The following ECE1 variants were observed in gnomAD, a reference collection of about 807,000 sequenced individuals.
ECE1 encodes endothelin converting enzyme 1, also known as endothelin-converting enzyme 1.
ECE1 carries 35 observed loss-of-function variants against 98.6 expected under a neutral mutation model. The observed-to-expected ratio is 0.35, with a 90% CI of 0.27 to 0.47. The LOEUF (loss-of-function observed/expected upper bound fraction) is 0.47, where lower values mean the gene tolerates loss of function less well. Ranked by LOEUF, ECE1 falls within the 20% of genes least tolerant of loss-of-function variation. The pLI, the probability that ECE1 is intolerant of heterozygous loss-of-function variation, is 1.00. For synonymous variants in ECE1, 394 were observed against 407.1 expected (o/e 0.97, Z 0.39); for missense variants, 814 against 1,025.3 (o/e 0.79, Z 2.81).
rs374192436 is a variant in ECE1 at position 21,319,945 on chromosome 1, CT to C, written c.3+25430del. On this transcript the variant is annotated intron_variant, in intron 1 of 18. Transcript: ENST00000415912. This position sits in a 1 kb window ranked among gnomAD's most constrained non-coding sequence, Gnocchi z 4.4. ...TTTACACTCGGCAGCAGCGTCCCAT[CT>C]TTTGACTTCCCTGGGCCACAATGTA... Among the ~76,000 whole-genome samples the C allele has an allele frequency of 6.6e-6, 1 of 152,212 alleles. No individual in the cohort carries two copies.
chr1:21,310,895 T>G (rs1638710058), intron 1 of ECE1, among the ~76,000 whole-genome samples: 1 of 152,178 alleles, frequency 6.6e-6, no homozygotes, highest in Non-Finnish European at 1.5e-5. Context: ...AACCCTACCC[T>G]GCAGCCTCCT....
intron 3 of ECE1, among the ~76,000 whole-genome samples, chr1:21,278,394 C>A (rs1466448510): frequency 6.6e-6 from 1 of 152,216 alleles, no homozygotes; most frequent in Non-Finnish European, 1.5e-5. Flanking sequence ...CAAAGTGGGA[C>A]AAAGGCACCG....
rs1189773507 is a variant in ECE1 at position 21,279,677 on chromosome 1, CATCCAGTG to C, written c.139-353_139-346del. On this transcript the variant is annotated intron_variant, in intron 2 of 18. Coordinates refer to ENST00000374893, the MANE Select transcript of ECE1 (RefSeq NM_001397.3). The stretch of plus-strand genomic sequence containing the variant: ...AGAACAGGATGTTTGGACTTGCAGG[CATCCAGTG>C]AGTACCCAGCTGGGCTCTCTGCAGA... 3.6e-6 allele frequency: 5 copies of C among 1,401,694 alleles called. No individual in the cohort carries two copies. The African/African-American group carries it at 5.8e-5, about 16-fold the overall frequency. The allele number at this position is 1,401,694 out of a possible 1,614,324, so 86.8% of individuals were successfully genotyped here.
At chr1:21,256,500 G>A (rs2098220110) in intron 7 of ECE1, among the ~76,000 whole-genome samples, 1 of 151,958 alleles carries the variant, frequency 6.6e-6, no homozygotes, top group South Asian at 2.1e-4. Context: ...AGGTTGCAGT[G>A]AGCCCAGATT....
chr1:21,314,285 G>A (rs1459475560), intron 1 of ECE1, among the ~76,000 whole-genome samples: 1 of 152,162 alleles, frequency 6.6e-6, no homozygotes, highest in Non-Finnish European at 1.5e-5. Context: ...GGGGGCGCTG[G>A]CTAGGCCCTT....
rs368422604 is a variant in ECE1, at chr1:21,230,441, G to C, written c.1671-2400C>G. 3.5e-4 allele frequency among the ~76,000 whole-genome samples: 54 copies of C among 152,268 alleles called. 1 individual carries two copies. The South Asian group carries it at 0.011, about 32-fold the overall frequency. On this transcript the variant is annotated intron_variant, in intron 14 of 18. Transcript: ENST00000374893. ...ACCCAGGCTGGAGGGCAATTGGGGT[G>C]CAGTGGCGTGATCTTGGCTCACTGC...
chr1:21,233,733 G>A lies in ECE1; in HGVS notation c.1567-72C>T. Reference sequence around the variant, plus strand: ...TGCATCTTCCAAGACAGGAAGCCAAGGGCTGTCATGGTTAAGAGATTAATC... The same window carrying A: ...TGCATCTTCCAAGACAGGAAGCCAAAGGCTGTCATGGTTAAGAGATTAATC... On this transcript the variant is annotated intron_variant, in intron 13 of 18. Coordinates refer to ENST00000374893, the MANE Select transcript of ECE1 (RefSeq NM_001397.3). The surrounding 1 kb of genome is among the most constrained non-coding windows in gnomAD (Gnocchi z 4.0). The A allele has an allele frequency of 2.1e-6, 3 of 1,402,414 alleles. No homozygotes were observed. The highest frequency in any genetic ancestry group is 3.0e-6 in the Non-Finnish European group (3 of 995,802). The allele number at this position is 1,402,414 out of a possible 1,614,324, so 86.9% of individuals were successfully genotyped here. A position where few individuals can be genotyped will look rare whatever the true frequency, so the allele number is the denominator to read the frequency against.
intron 1 of ECE1, among the ~76,000 whole-genome samples, chr1:21,338,124 C>T (rs1351057785): frequency 3.9e-5 from 6 of 152,308 alleles, no homozygotes; most frequent in Non-Finnish European, 5.9e-5. Context: ...CCTGGACCTC[C>T]GCCCAATAAG....
intron 1 of ECE1, among the ~76,000 whole-genome samples, chr1:21,308,638 C>G (rs749509127): frequency 6.6e-6 from 1 of 152,054 alleles, no homozygotes; most frequent in East Asian, 1.9e-4. Context: ...AGTTACTTGC[C>G]CTTGCTGAGC....
At chr1:21,239,975 A>T (rs1226018639) in intron 10 of ECE1, among the ~76,000 whole-genome samples, 1 of 152,044 alleles carries the variant, frequency 6.6e-6, no homozygotes, top group Non-Finnish European at 1.5e-5. Context: ...GTTCAAGACC[A>T]GCCTGGCCAA....
In ECE1 at chr1:21,217,548, C is replaced by T. The variant is rs1046692042; in HGVS notation, c.*2407G>A. The T allele has an allele frequency of 2.6e-5, 4 of 152,438 alleles. No homozygotes were observed. The highest frequency in any genetic ancestry group is 1.3e-4 in the Admixed American group (2 of 15,310). The allele number at this position is 152,438 out of a possible 1,614,324, so 9.4% of individuals were successfully genotyped here. ...GCCATGAGTGTGGTCTCCATTCCCT[C>T]GGGCTGCACCCCCAGCCCTAGGACA... On this transcript the variant is annotated 3_prime_UTR_variant, in exon 19 of 19. Coordinates refer to ENST00000374893, the MANE Select transcript of ECE1 (RefSeq NM_001397.3).
In ECE1 at chr1:21,279,507, C is replaced by A. The variant is rs1434138990; in HGVS notation, c.139-175G>T. 6 of 1,480,814 alleles carry A rather than the reference C, an allele frequency of 4.1e-6. No individual in the cohort carries two copies. The South Asian group carries it at 5.4e-5, about 13-fold the overall frequency. 91.7% of individuals were successfully genotyped at this position (1,480,814 alleles called of 1,614,324 possible). On this transcript the variant is annotated intron_variant, in intron 2 of 18. Transcript: ENST00000374893. ...CCCTAATCCAGGAAAGGAACAGCCA[C>A]CCTGCTCAGCTGCTCGGATCTGCTC...
chr1:21,221,829 C>G lies in ECE1; in HGVS notation c.2054G>C (p.Trp685Ser). 1 of 1,614,182 alleles carries G rather than the reference C, an allele frequency of 6.2e-7. No homozygotes were observed. The highest frequency in any genetic ancestry group is 8.5e-7 in the Non-Finnish European group (1 of 1,180,024). The change falls in exon 18 of 19, where the codon TGG becomes TCG. Residue 685 changes from tryptophan to serine, a missense_variant. By Grantham distance (177) the Trp-to-Ser change is radical. Transcript: ENST00000374893. Reference protein sequence around the residue: ...LKAAYRAYQNWVKKNGAEHSL... With the variant: ...LKAAYRAYQNSVKKNGAEHSL... ...GTGCTCAGCCCCGTTCTTCTTCACC[C>G]AGTTCTGGTAAGCCTGGGAGGAGAG... is the stretch of plus-strand genomic sequence containing the variant.
intron 8 of ECE1, among the ~76,000 whole-genome samples, chr1:21,249,578 A>T (rs1057176038): frequency 6.6e-6 from 1 of 152,100 alleles, no homozygotes; most frequent in Non-Finnish European, 1.5e-5. Flanking sequence ...CTGAGCCTGT[A>T]GTCCCAGGTG....
At chr1:21,316,672 G>A (rs140276797) in intron 1 of ECE1, among the ~76,000 whole-genome samples, 1 of 152,256 alleles carries the variant, frequency 6.6e-6, no homozygotes, top group African/African-American at 2.4e-5. Context: ...AGCATGTGCT[G>A]TGGTTGTGAA....
intron 16 of ECE1, among the ~76,000 whole-genome samples, 165 bp downstream of exon 16, chr1:21,226,994 G>T (rs544490903): frequency 6.6e-6 from 1 of 152,064 alleles, no homozygotes; most frequent in East Asian, 1.9e-4. Context: ...ACAGCGCTGG[G>T]ATTACAGGCA....
chr1:21,233,760 G>C lies in ECE1; in HGVS notation c.1567-99C>G, dbSNP rs28368029. 0.28 allele frequency: 313,384 copies of C among 1,130,188 alleles called. 46,175 individuals are homozygous for C. Among genetic ancestry groups the C allele is most frequent in the Non-Finnish European group, 0.31 (236,591 of 764,146 alleles). The allele number at this position is 1,130,188 out of a possible 1,614,324, so 70.0% of individuals were successfully genotyped here. On this transcript the variant is annotated intron_variant, in intron 13 of 18. Coordinates refer to ENST00000374893, the MANE Select transcript of ECE1 (RefSeq NM_001397.3). The surrounding 1 kb of genome is among the most constrained non-coding windows in gnomAD (Gnocchi z 4.0). Reference sequence around the variant, plus strand: ...GCTGTCATGGTTAAGAGATTAATCTGCAGGCTGGAGACCGGAATGCAGGGC... The same window carrying C: ...GCTGTCATGGTTAAGAGATTAATCTCCAGGCTGGAGACCGGAATGCAGGGC...
rs1209353038 is a variant in ECE1, at chr1:21,345,234, G to A, written c.3+142C>T. On this transcript the variant is annotated intron_variant, in intron 1 of 18. Coordinates refer to the ECE1 transcript ENST00000415912. This position sits in a 1 kb window ranked among gnomAD's most constrained non-coding sequence, Gnocchi z 5.1. The stretch of plus-strand genomic sequence containing the variant: ...GGCGCTCCCCGACTCCACGCCTTCC[G>A]AGAGCCGGGCGGGGGCTGCTGCTGC... 10 of 1,118,948 alleles carry A rather than the reference G, an allele frequency of 8.9e-6. No homozygotes were observed. Among genetic ancestry groups the A allele is most frequent in the Middle Eastern group, 3.6e-4 (1 of 2,754 alleles). The allele number at this position is 1,118,948 out of a possible 1,614,324, so 69.3% of individuals were successfully genotyped here.
intron 7 of ECE1, 32 bp from the exon 8 acceptor site, chr1:21,256,170 C>A: frequency 6.3e-7 from 1 of 1,579,712 alleles, no homozygotes; most frequent in Non-Finnish European, 8.6e-7. Context: ...CTGTCAGTGG[C>A]TGCCCCCCCA....
Sources: allele counts gnomAD v4.1 joint callset (sites outside exome capture counted in the v4.1 genomes callset), GRCh38; gene constraint gnomAD v4.1.1; non-coding constraint Gnocchi (gnomAD v3.1); transcripts MANE v1.5; gene names NCBI Gene and HGNC (gene_info 2026-07-23, HGNC 2026-07-21).